Variants in SLCO3A1 observed in about 807,000 individuals in gnomAD.
SLCO3A1 encodes PGE1 transporter.
SLCO3A1 carries 27 observed loss-of-function variants against 63.1 expected under a neutral mutation model. The observed-to-expected ratio is 0.43, with a 90% CI of 0.32 to 0.59. The LOEUF is 0.59. SLCO3A1 is among the 20% of genes least tolerant of loss of function. SLCO3A1 has a pLI of 0.09. For missense variants in SLCO3A1, 773 were observed against 945.8 expected (o/e 0.82, Z 2.40); for synonymous variants, 473 against 409.9 (o/e 1.15, Z -1.86).
At chr15:91,993,116 A>G (rs1264213306) in intron 2 of SLCO3A1, among the ~76,000 whole-genome samples, 1 of 152,236 alleles carries the variant, frequency 6.6e-6, no homozygotes, top group East Asian at 1.9e-4. Flanking sequence ...TCCTAAGTAC[A>G]GCACTGATTG....
rs895599324 is a variant in SLCO3A1 at position 92,022,690 on chromosome 15, T to C, written c.647-72191T>C. Among the ~76,000 whole-genome samples, 5 of 152,308 alleles carry C rather than the reference T, an allele frequency of 3.3e-5. No individual in the cohort carries two copies. In the South Asian group the frequency reaches 1.0e-3, roughly 32 times the overall value. ...AGTCTGCAAACATACAGCTGAAAGA[T>C]GCTTTGGTAAATGGTATAATAGGTA... On this transcript the variant is annotated intron_variant, in intron 2 of 9. Transcript: ENST00000318445.
exon 11 of SLCO3A1, chr15:92,172,195 C>G (rs984189579): frequency 1.3e-5 from 3 of 226,204 alleles, no homozygotes; most frequent in African/African-American, 6.8e-5. Context: ...AAACTCCCCT[C>G]TTGGGAATGC....
Position 91,975,019 on chromosome 15 carries a change from G to A in SLCO3A1, c.646+58561G>A, listed in dbSNP as rs561512238. On this transcript the variant is annotated intron_variant, in intron 2 of 9. Coordinates refer to ENST00000318445, the MANE Select transcript of SLCO3A1 (RefSeq NM_013272.4). ...TTTCTCTGTACTGCAGTTCCTATCT[G>A]TAAAATGAGTAGAATAAGTGTTCCT... Among the ~76,000 whole-genome samples, 53 of 152,288 alleles carry A rather than the reference G, an allele frequency of 3.5e-4. 3 individuals carry two copies. The South Asian group carries it at 7.9e-3, about 23-fold the overall frequency.
At chr15:92,126,335 G>A in intron 6 of SLCO3A1, 76 bp downstream of exon 6, 2 of 1,294,044 alleles carry the variant, frequency 1.5e-6, no homozygotes, top group African/African-American at 1.5e-5. Flanking sequence ...TAGGTTGAGG[G>A]AACCAGCTTT....
intron 2 of SLCO3A1, among the ~76,000 whole-genome samples, chr15:91,973,472 T>C (rs1900962370): frequency 1.3e-5 from 2 of 152,142 alleles, no homozygotes; most frequent in African/African-American, 4.8e-5. Context: ...GAAAAACAGA[T>C]GCAACAGCAG....
At chr15:92,129,896 ATT>A (rs1173539357) in intron 7 of SLCO3A1, among the ~76,000 whole-genome samples, 18 of 152,238 alleles carry the variant, frequency 1.2e-4, no homozygotes, top group African/African-American at 4.3e-4. Context: ...GGAGAAACTG[ATT>A]TTTTAAAATT....
chr15:92,072,957 CGG>C (rs889598558), intron 2 of SLCO3A1, among the ~76,000 whole-genome samples: 2 of 152,054 alleles, frequency 1.3e-5, no homozygotes, highest in African/African-American at 4.8e-5. Flanking sequence ...AAACCTTACA[CGG>C]GGCAGAAGAG....
Position 91,859,562 on chromosome 15 carries a change from C to T in SLCO3A1, c.180+5474C>T, listed in dbSNP as rs117862983. Among the ~76,000 whole-genome samples, 2,082 of 152,274 alleles carry T rather than the reference C, an allele frequency of 0.014. 83 individuals are homozygous for T. The highest frequency in any genetic ancestry group is 0.074 in the Admixed American group (1,133 of 15,294). On this transcript the variant is annotated intron_variant, in intron 1 of 9. Coordinates refer to ENST00000318445, the MANE Select transcript of SLCO3A1 (RefSeq NM_013272.4). This position sits in a 1 kb window ranked among gnomAD's most constrained non-coding sequence, Gnocchi z 5.1. Reference sequence around the variant, plus strand: ...GTGTCTGTGGCAGCTGTCGCTTATTCGATGAGTGTTAGAAGACTGGGATTC... The same window carrying T: ...GTGTCTGTGGCAGCTGTCGCTTATTTGATGAGTGTTAGAAGACTGGGATTC...
chr15:92,104,874 C>G (rs978975273), intron 4 of SLCO3A1, among the ~76,000 whole-genome samples: 2 of 151,972 alleles, frequency 1.3e-5, no homozygotes, highest in African/African-American at 4.8e-5. Flanking sequence ...TTCAGGCCAC[C>G]CATAAGCACC....
intron 2 of SLCO3A1, among the ~76,000 whole-genome samples, chr15:91,972,706 C>G (rs1457073857): frequency 6.6e-6 from 1 of 152,176 alleles, no homozygotes; most frequent in African/African-American, 2.4e-5. Flanking sequence ...CCCTTGTCCT[C>G]CAGGTCAGGA....
At chr15:91,961,416 G>C (rs1352178170) in intron 2 of SLCO3A1, among the ~76,000 whole-genome samples, 1 of 152,248 alleles carries the variant, frequency 6.6e-6, no homozygotes, top group Non-Finnish European at 1.5e-5. Flanking sequence ...GGAGAGGGAA[G>C]AATGGTGGGG....
At chr15:91,980,255 T>C (rs1045436636) in intron 2 of SLCO3A1, among the ~76,000 whole-genome samples, 4 of 152,000 alleles carry the variant, frequency 2.6e-5, no homozygotes, top group African/African-American at 9.7e-5. Context: ...CATACATTCA[T>C]TGGTTTGCTT....
Position 91,862,810 on chromosome 15 carries a change from T to C in SLCO3A1, c.180+8722T>C, listed in dbSNP as rs979870178. ...CATTTCTGCACTTGCAAGGTTGATG[T>C]AGGGAGAAGTGTCACAATGATGTTT... On this transcript the variant is annotated intron_variant, in intron 1 of 9. Transcript: ENST00000318445. The surrounding 1 kb of genome is among the most constrained non-coding windows in gnomAD (Gnocchi z 4.0). Among the ~76,000 whole-genome samples, 3 of 152,240 alleles carry C rather than the reference T, an allele frequency of 2.0e-5. No individual in the cohort carries two copies. The highest frequency in any genetic ancestry group is 1.3e-4 in the Admixed American group (2 of 15,290).
chr15:91,993,494 G>C (rs1005033284), intron 2 of SLCO3A1, among the ~76,000 whole-genome samples: 6 of 152,192 alleles, frequency 3.9e-5, no homozygotes, highest in African/African-American at 7.2e-5. Flanking sequence ...GAGCCAAATG[G>C]AACTTGGTTG....
intron 2 of SLCO3A1, among the ~76,000 whole-genome samples, chr15:91,972,965 A>G (rs996920243): frequency 6.6e-6 from 1 of 152,202 alleles, no homozygotes; most frequent in Non-Finnish European, 1.5e-5. Flanking sequence ...TACTAAATAT[A>G]CAAAAATCAG....
chr15:91,940,604 A>G (rs1214883794), intron 2 of SLCO3A1, among the ~76,000 whole-genome samples: 1 of 152,002 alleles, frequency 6.6e-6, no homozygotes, highest in Non-Finnish European at 1.5e-5. Flanking sequence ...CAAGAGCACC[A>G]CTCATCTGGC....
chr15:92,048,715 A>G (rs933664632), intron 2 of SLCO3A1, among the ~76,000 whole-genome samples: 2 of 152,176 alleles, frequency 1.3e-5, no homozygotes, highest in Non-Finnish European at 2.9e-5. Flanking sequence ...CCTGGCCAAC[A>G]TGGTGAAACC....
In SLCO3A1 at chr15:92,164,878, C is replaced by T. The variant is rs2048480381; in HGVS notation, c.*1743C>T. 6.1e-6 allele frequency: 6 copies of T among 985,308 alleles called. No individual in the cohort carries two copies. Among genetic ancestry groups the T allele is most frequent in the Non-Finnish European group, 7.2e-6 (6 of 829,938 alleles). The allele number at this position is 985,308 out of a possible 1,614,324, so 61.0% of individuals were successfully genotyped here. A position where few individuals can be genotyped will look rare whatever the true frequency, so the allele number is the denominator to read the frequency against. ...GTAAAGGCACACACTCATACACACACAACAAAGGGCCCTGCTAACTTACTC... is the reference window on the plus strand; with the variant it reads ...GTAAAGGCACACACTCATACACACATAACAAAGGGCCCTGCTAACTTACTC... On this transcript the variant is annotated 3_prime_UTR_variant, in exon 10 of 10. Transcript: ENST00000318445.
At position 92,146,480 on chromosome 15, in the gene SLCO3A1, G is replaced by A. The variant is rs73542669; in HGVS notation, c.1513-504G>A. On this transcript the variant is annotated intron_variant, in intron 7 of 9. Coordinates refer to ENST00000318445, the MANE Select transcript of SLCO3A1 (RefSeq NM_013272.4). ...CTGTCCCTCGCCCAGCCTTGCAGAC[G>A]CGGTGACTTCACGCGTGACAGCGTG... Among the ~76,000 whole-genome samples, 1,195 of 152,316 alleles carry A rather than the reference G, an allele frequency of 7.8e-3. 17 individuals are homozygous for A. The highest frequency in any genetic ancestry group is 0.027 in the African/African-American group (1,114 of 41,550).
Sources: allele counts gnomAD v4.1 joint callset (sites outside exome capture counted in the v4.1 genomes callset), GRCh38; gene constraint gnomAD v4.1.1; non-coding constraint Gnocchi (gnomAD v3.1); transcripts MANE v1.5; gene names NCBI Gene and HGNC (gene_info 2026-07-23, HGNC 2026-07-21).